The following TXNRD3 variants were observed in gnomAD, a reference collection of about 807,000 sequenced individuals.
TXNRD3 encodes the protein thioredoxin reductase 3, also known as TXNRD3 neighbor gene protein.
A neutral mutation model predicts 78.2 loss-of-function variants in TXNRD3; 68 were observed. The observed-to-expected ratio is 0.87, with a 90% CI of 0.72 to 1.06. The LOEUF is 1.06. Ranked by LOEUF, TXNRD3 falls within the 50% of genes least tolerant of loss-of-function variation. The probability of loss-of-function intolerance (pLI) is 0.00; values close to 1 mark genes in which losing one functional copy is unlikely to be tolerated. For missense variants in TXNRD3, 751 were observed against 809.5 expected (o/e 0.93, Z 0.88); for synonymous variants, 296 against 300.1 (o/e 0.99, Z 0.14).
At chr3:126,639,181 T>C (rs1175318921) in intron 6 of TXNRD3, among the ~76,000 whole-genome samples, 1 of 152,236 alleles carries the variant, frequency 6.6e-6, no homozygotes, top group Non-Finnish European at 1.5e-5. Flanking sequence ...CATAAGTACC[T>C]GCCAAGTCAA....
chr3:126,641,256 G>A (rs1933078455), intron 6 of TXNRD3, among the ~76,000 whole-genome samples: 1 of 151,958 alleles, frequency 6.6e-6, no homozygotes, highest in Non-Finnish European at 1.5e-5. Context: ...TTGACAGTAG[G>A]ACTCAGAATC....
chr3:126,633,861 A>G, intron 7 of TXNRD3, 48 bp downstream of exon 7: 1 of 1,407,286 alleles, frequency 7.1e-7, no homozygotes, highest in Middle Eastern at 1.8e-4. Context: ...GCAAGTATAA[A>G]CAATTGTAAA....
In TXNRD3 at chr3:126,611,195, C is replaced by T. The variant is rs928975294; in HGVS notation, c.1633-63G>A. On this transcript the variant is annotated intron_variant, in intron 13 of 15. Transcript: ENST00000524230. ...TATATGGAAACCATTCCTTGATAGG[C>T]TCTTTAATTCTATAAAGGCAATAAT... 38 of 1,036,960 alleles carry T rather than the reference C, an allele frequency of 3.7e-5. No individual in the cohort carries two copies. In the African/African-American group the frequency reaches 5.9e-4, roughly 16 times the overall value. The allele number at this position is 1,036,960 out of a possible 1,614,324, so 64.2% of individuals were successfully genotyped here.
In TXNRD3 at chr3:126,607,821, T is replaced by C; in HGVS notation, c.*84A>G. 1 of 1,189,238 alleles carries C rather than the reference T, an allele frequency of 8.4e-7. No homozygotes were observed. The highest frequency in any genetic ancestry group is 2.6e-5 in the East Asian group (1 of 38,062). The allele number at this position is 1,189,238 out of a possible 1,614,324, so 73.7% of individuals were successfully genotyped here. A position where few individuals can be genotyped will look rare whatever the true frequency, so the allele number is the denominator to read the frequency against. On this transcript the variant is annotated 3_prime_UTR_variant, in exon 16 of 16. Transcript: ENST00000524230. ...TCCCTGAGTAACAGAGCAGCTGTCATGAGCACAGGCTCATTTTATCCGAGA... is the reference window on the plus strand; with the variant it reads ...TCCCTGAGTAACAGAGCAGCTGTCACGAGCACAGGCTCATTTTATCCGAGA...
At chr3:126,609,250 G>A in intron 14 of TXNRD3, 1 of 356,128 alleles carries the variant, frequency 2.8e-6, no homozygotes. Context: ...ATCTTCAACA[G>A]TAAAAGCATA....
intron 10 of TXNRD3, chr3:126,626,092 ATCTAATTAAAATGAAT>A (rs1405919812): frequency 3.3e-5 from 5 of 152,196 alleles, no homozygotes; most frequent in East Asian, 1.9e-4. Context: ...AGCAACTTAA[ATCTAATTAAAATGAAT>A]TCTAATTAAA....
chr3:126,621,639 G>A, intron 12 of TXNRD3, 103 bp downstream of exon 12: 1 of 1,128,808 alleles, frequency 8.9e-7, no homozygotes, highest in Non-Finnish European at 1.2e-6. Flanking sequence ...ATATCTCTGA[G>A]GAACCCTTTA....
At chr3:126,630,199 C>A (rs1938675605) in intron 9 of TXNRD3, among the ~76,000 whole-genome samples, 1 of 152,220 alleles carries the variant, frequency 6.6e-6, no homozygotes, top group African/African-American at 2.4e-5. Flanking sequence ...AGAGACATGA[C>A]CACTGGATTT....
intron 3 of TXNRD3, 147 bp downstream of exon 3, chr3:126,645,964 A>G (rs1933219415): frequency 1.7e-6 from 1 of 594,424 alleles, no homozygotes; most frequent in Non-Finnish European, 2.7e-6. Context: ...CCTTAAAGCA[A>G]TCAGTATTAT....
intron 12 of TXNRD3, among the ~76,000 whole-genome samples, chr3:126,616,856 C>T (rs1240865056): frequency 6.6e-6 from 1 of 152,198 alleles, no homozygotes; most frequent in Non-Finnish European, 1.5e-5. Context: ...GATTCTTACA[C>T]TCTCATGCCA....
intron 6 of TXNRD3, among the ~76,000 whole-genome samples, chr3:126,635,888 T>C (rs1430353184): frequency 1.3e-5 from 2 of 152,160 alleles, no homozygotes; most frequent in East Asian, 3.8e-4. Flanking sequence ...CACATGTATA[T>C]ATACCTATAT....
chr3:126,652,715 T>C (rs1314840794), intron 1 of TXNRD3, among the ~76,000 whole-genome samples: 2 of 152,216 alleles, frequency 1.3e-5, no homozygotes, highest in Non-Finnish European at 2.9e-5. Flanking sequence ...TGGGATGGTG[T>C]CCCAGCCAGG....
At chr3:126,616,673 C>T (rs910115767) in intron 12 of TXNRD3, among the ~76,000 whole-genome samples, 3 of 152,118 alleles carry the variant, frequency 2.0e-5, no homozygotes, top group African/African-American at 4.8e-5. Context: ...TTTTAGGTTC[C>T]TCTGTGATTC....
chr3:126,637,932 C>CTCTTTT (rs1444254294), intron 6 of TXNRD3, among the ~76,000 whole-genome samples: 4 of 60,190 alleles, frequency 6.6e-5, no homozygotes, highest in Non-Finnish European at 1.1e-4. Context: ...ATTTCTCTCT[C>CTCTTTT]TTTTTTTTTT....
rs1020426656 is a variant in TXNRD3, at chr3:126,654,973, C to T, written c.18G>A (p.Pro6=). 1 of 1,300,458 alleles carries T rather than the reference C, an allele frequency of 7.7e-7. No homozygotes were observed. The highest frequency in any genetic ancestry group is 9.7e-7 in the Non-Finnish European group (1 of 1,028,922). The allele number at this position is 1,300,458 out of a possible 1,614,324, so 80.6% of individuals were successfully genotyped here. The change falls in exon 1 of 16, where the codon CCG becomes CCA. Residue 6 remains proline, a synonymous_variant. Coordinates refer to ENST00000524230, the MANE Select transcript of TXNRD3 (RefSeq NM_052883.3). ...CCGCCTTTCCCGGCCCGGGCGACTG[C>T]GGCGGCGACCGCTCCAGAGTCTCGC... is the stretch of plus-strand genomic sequence containing the variant.
intron 10 of TXNRD3, among the ~76,000 whole-genome samples, chr3:126,626,222 T>C (rs986834243): frequency 3.9e-5 from 6 of 152,176 alleles, no homozygotes; most frequent in Non-Finnish European, 7.4e-5. Flanking sequence ...AAAGGGATAC[T>C]TCCATGACCT....
Position 126,611,114 on chromosome 3 carries a change from A to G in TXNRD3, c.1651T>C (p.Trp551Arg), listed in dbSNP as rs1279872824. ...CCAGCTACTGTCCATTCAAGAGGCC[A>G]GAACAAAGTATGATATATCTGGAAG... Residue 551 changes from tryptophan (W) to arginine (R), a missense_variant, in exon 14 of 16, where the codon TGG becomes CGG. Physicochemically the swap from Trp to Arg is moderately radical, Grantham distance 101. Transcript: ENST00000524230. 6.6e-7 allele frequency: 1 copy of G among 1,524,370 alleles called. No individual in the cohort carries two copies. The allele number at this position is 1,524,370 out of a possible 1,614,324, so 94.4% of individuals were successfully genotyped here. A position where few individuals can be genotyped will look rare whatever the true frequency, so the allele number is the denominator to read the frequency against.
chr3:126,630,339 T>C (rs1051833454), intron 9 of TXNRD3, among the ~76,000 whole-genome samples: 30 of 152,312 alleles, frequency 2.0e-4, no homozygotes, highest in African/African-American at 6.7e-4. Flanking sequence ...TTGTTCTTTG[T>C]TTTTTTGTAA....
intron 12 of TXNRD3, among the ~76,000 whole-genome samples, chr3:126,615,942 T>C (rs765329552): frequency 2.6e-5 from 4 of 152,196 alleles, no homozygotes; most frequent in Non-Finnish European, 5.9e-5. Flanking sequence ...TCAACGGTGC[T>C]GGACTAAGTG....
Sources: gnomAD v4.1 joint callset for allele counts (sites outside exome capture counted in the v4.1 genomes callset) on GRCh38, gnomAD v4.1.1 for gene constraint, MANE v1.5 for transcripts, NCBI Gene and HGNC (gene_info 2026-07-23, HGNC 2026-07-21) for gene names.